Variants in TRPC7 observed in about 807,000 individuals in gnomAD.
The protein encoded by TRPC7 is transient receptor potential cation channel subfamily C member 7.
TRPC7 carries 42 observed loss-of-function variants against 90.1 expected under a neutral mutation model. The ratio of observed to expected loss-of-function variants is 0.47; its 90% CI spans 0.36 to 0.60. The LOEUF is 0.60. TRPC7 is among the 20% of genes least tolerant of loss of function. TRPC7 has a pLI of 0.00. For missense variants in TRPC7, 955 were observed against 1,112.3 expected, an observed-to-expected ratio of 0.86 and a Z score of 2.01; for synonymous variants, 451 against 436.3, an observed-to-expected ratio of 1.03 and a Z score of -0.42.
intron 3 of TRPC7, among the ~76,000 whole-genome samples, chr5:136,303,479 C>T (rs960067417): frequency 1.3e-5 from 2 of 152,312 alleles, no homozygotes; most frequent in South Asian, 4.1e-4. Context: ...CTTGCCTCCA[C>T]TGTGAGACAA....
chr5:136,310,342 A>G (rs1758786651), intron 3 of TRPC7, among the ~76,000 whole-genome samples: 1 of 152,130 alleles, frequency 6.6e-6, no homozygotes, highest in Non-Finnish European at 1.5e-5. Context: ...ATTTTTTTTA[A>G]AAATACAACA....
At chr5:136,325,485 A>G (rs1041933470) in intron 2 of TRPC7, among the ~76,000 whole-genome samples, 12 of 151,852 alleles carry the variant, frequency 7.9e-5, no homozygotes, top group Non-Finnish European at 1.8e-4. Flanking sequence ...AGAAACTATG[A>G]TATTTTGTAT....
At chr5:136,238,028 T>A (rs1351150216) in intron 7 of TRPC7, among the ~76,000 whole-genome samples, 2 of 152,142 alleles carry the variant, frequency 1.3e-5, no homozygotes, top group Non-Finnish European at 2.9e-5. Context: ...CTCCCTTCAC[T>A]CATTGCACTC....
intron 7 of TRPC7, among the ~76,000 whole-genome samples, chr5:136,243,332 G>C (rs368906025): frequency 0.014 from 2,061 of 152,064 alleles, 38 homozygotes; most frequent in African/African-American, 0.04. Context: ...AATGGGGTTG[G>C]GGGGAGGTCA....
intron 4 of TRPC7, among the ~76,000 whole-genome samples, chr5:136,272,227 G>A (rs1757233592): frequency 1.3e-5 from 2 of 152,212 alleles, no homozygotes; most frequent in Admixed American, 6.5e-5. Context: ...ATAGACAGAT[G>A]TAAAGTCAGT....
At chr5:136,274,858 C>G (rs1757312468) in intron 3 of TRPC7, 21 bp from the exon 4 acceptor site, 1 of 1,549,778 alleles carries the variant, frequency 6.5e-7, no homozygotes, top group South Asian at 1.2e-5. Flanking sequence ...AAAACAAAAA[C>G]AAAAACAAAA....
At chr5:136,245,856 A>G (rs1756319653) in intron 7 of TRPC7, among the ~76,000 whole-genome samples, 1 of 152,184 alleles carries the variant, frequency 6.6e-6, no homozygotes, top group Non-Finnish European at 1.5e-5. Context: ...TTTTCATTTT[A>G]TAGACGAGGA....
chr5:136,290,053 A>G (rs996681252), intron 3 of TRPC7, among the ~76,000 whole-genome samples: 2 of 152,202 alleles, frequency 1.3e-5, no homozygotes, highest in African/African-American at 4.8e-5. Flanking sequence ...GACCTCCAGT[A>G]AACTCCAACA....
chr5:136,338,587 T>A (rs1759741731), intron 2 of TRPC7, among the ~76,000 whole-genome samples: 1 of 152,246 alleles, frequency 6.6e-6, no homozygotes, highest in African/African-American at 2.4e-5. Context: ...CTATACTATG[T>A]TTGAGCCTGT....
chr5:136,253,873 A>G (rs1040949754), intron 5 of TRPC7, among the ~76,000 whole-genome samples: 14 of 152,382 alleles, frequency 9.2e-5, no homozygotes, highest in African/African-American at 3.4e-4. Context: ...AGATAGGCCA[A>G]AAGCTAGGCC....
intron 3 of TRPC7, among the ~76,000 whole-genome samples, chr5:136,279,553 G>T (rs541010326): frequency 2.6e-5 from 4 of 152,082 alleles, no homozygotes; most frequent in South Asian, 2.1e-4. Flanking sequence ...TGGTTATGTT[G>T]TCATGGCCAG....
intron 10 of TRPC7, among the ~76,000 whole-genome samples, chr5:136,221,853 T>C (rs1755470121): frequency 6.6e-6 from 1 of 152,204 alleles, no homozygotes; most frequent in African/African-American, 2.4e-5. Flanking sequence ...GGAGTGTATG[T>C]GAATGATGGA....
intron 3 of TRPC7, among the ~76,000 whole-genome samples, chr5:136,285,196 T>C (rs1003968271): frequency 5.9e-5 from 9 of 152,168 alleles, no homozygotes; most frequent in African/African-American, 2.2e-4. Context: ...CTTGGAAAAG[T>C]ACAGTGCCTT....
rs912643726 is a variant in TRPC7, at chr5:136,247,220, T to C, written c.1844+251A>G. Among the ~76,000 whole-genome samples, 4 of 120,662 alleles carry C rather than the reference T, an allele frequency of 3.3e-5. No homozygotes were observed. Among genetic ancestry groups the C allele is most frequent in the African/African-American group, 1.3e-4 (4 of 30,550 alleles). The allele number at this position is 120,662 out of a possible 152,430, so 79.2% of individuals were successfully genotyped here. A position where few individuals can be genotyped will look rare whatever the true frequency, so the allele number is the denominator to read the frequency against. On this transcript the variant is annotated intron_variant, in intron 7 of 11. Coordinates refer to ENST00000513104, the MANE Select transcript of TRPC7 (RefSeq NM_020389.3). The surrounding 1 kb of genome is among the most constrained non-coding windows in gnomAD (Gnocchi z 4.2). ...TCCTAGAAAACGTAGCATTCCTACATGTGATTTTTTTTTTTCTAAATGGGA... is the reference window on the plus strand; with the variant it reads ...TCCTAGAAAACGTAGCATTCCTACACGTGATTTTTTTTTTTCTAAATGGGA...
intron 3 of TRPC7, among the ~76,000 whole-genome samples, chr5:136,280,595 G>T (rs1757518244): frequency 6.6e-6 from 1 of 152,176 alleles, no homozygotes; most frequent in Non-Finnish European, 1.5e-5. Flanking sequence ...CTAAAAGGCA[G>T]ACAGGAAGAG....
chr5:136,315,844 T>G, intron 2 of TRPC7, 65 bp from the exon 3 acceptor site: 2 of 1,516,052 alleles, frequency 1.3e-6, no homozygotes, highest in Non-Finnish European at 1.8e-6. Context: ...TTGCCCAGCA[T>G]AGCAGTGTCG....
At position 136,365,509 on chromosome 5, in the gene TRPC7, C is replaced by A. The variant is rs574474435; in HGVS notation, c.-255G>T. The A allele has an allele frequency of 2.1e-5, 12 of 566,710 alleles. No homozygotes were observed. The highest frequency in any genetic ancestry group is 2.1e-4 in the Admixed American group (7 of 33,338). The allele number at this position is 566,710 out of a possible 1,614,324, so 35.1% of individuals were successfully genotyped here. ...CCTTTTCCTAATCGGGGGGAAATTT[C>A]CCAGAGAACATGACGGAGAAGCATC... On this transcript the variant is annotated 5_prime_UTR_variant, in exon 1 of 12. It introduces an in-frame stop codon into an upstream open reading frame of the 5' UTR. Coordinates refer to ENST00000513104, the MANE Select transcript of TRPC7 (RefSeq NM_020389.3).
chr5:136,322,471 C>T (rs1345241952), intron 2 of TRPC7, among the ~76,000 whole-genome samples: 1 of 152,168 alleles, frequency 6.6e-6, no homozygotes, highest in Admixed American at 6.5e-5. Flanking sequence ...TTATATTCTA[C>T]TAGCAAATTA....
In TRPC7 at chr5:136,213,443, CTT is replaced by C. The variant is rs1755157686; in HGVS notation, c.2579_2580del (p.Lys860ArgfsTer67). ...NKDHLRVNKG[K>X]DI Reference sequence around the variant, plus strand: ...GACGCCGATGTGGGCTGCTAAATGTCTTTGCCCTTGTTCACCCTCAGGTGGTC... The same window carrying C: ...GACGCCGATGTGGGCTGCTAAATGTCTGCCCTTGTTCACCCTCAGGTGGTC... On this transcript the variant is annotated frameshift_variant, in exon 12 of 12. Transcript: ENST00000513104. LOFTEE classifies it high-confidence loss of function. 6.2e-7 allele frequency: 1 copy of C among 1,613,946 alleles called. No homozygotes were observed. Among genetic ancestry groups the C allele is most frequent in the East Asian group, 2.2e-5 (1 of 44,876 alleles).
Sources: gnomAD v4.1 joint callset for allele counts (sites outside exome capture counted in the v4.1 genomes callset) on GRCh38, gnomAD v4.1.1 for gene constraint, Gnocchi (gnomAD v3.1) non-coding constraint, MANE v1.5 for transcripts, NCBI Gene and HGNC (gene_info 2026-07-23, HGNC 2026-07-21) for gene names.